KIF26B: variants seen among roughly 807,000 people sequenced by gnomAD.
The protein encoded by KIF26B is kinesin family member 26B, also known as kinesin-like protein KIF26B.
A neutral mutation model predicts 151.2 loss-of-function variants in KIF26B; 63 were observed. The observed-to-expected ratio is 0.42, with a 90% confidence interval of 0.34 to 0.51. The LOEUF (loss-of-function observed/expected upper bound fraction) is 0.51. Ranked by LOEUF, KIF26B falls within the 20% of genes least tolerant of loss-of-function variation. The pLI is 0.07. For synonymous variants in KIF26B, 1,357 were observed against 1,262.1 expected, an observed-to-expected ratio of 1.08 and a Z score of -1.59; for missense variants, 2,813 against 2,913.6, an observed-to-expected ratio of 0.97 and a Z score of 0.79.
intron 3 of KIF26B, among the ~76,000 whole-genome samples, chr1:245,414,466 T>C (rs1409323960): frequency 1.3e-5 from 2 of 152,142 alleles, no homozygotes; most frequent in African/African-American, 2.4e-5. Context: ...TGAGGCTTGT[T>C]TGTGTTGGTC....
At chr1:245,571,798 G>A (rs557639156) in intron 5 of KIF26B, among the ~76,000 whole-genome samples, 6 of 152,272 alleles carry the variant, frequency 3.9e-5, no homozygotes, top group Admixed American at 1.3e-4. Context: ...TCTAGTTCAC[G>A]CCCTGTAAGG....
intron 2 of KIF26B, among the ~76,000 whole-genome samples, chr1:245,281,797 G>A (rs1181041448): frequency 6.6e-6 from 1 of 151,942 alleles, no homozygotes; most frequent in Non-Finnish European, 1.5e-5. Context: ...TGTAAGGAAG[G>A]GATCCAGTTT....
At chr1:245,433,820 T>C (rs551765574) in intron 4 of KIF26B, among the ~76,000 whole-genome samples, 1 of 152,284 alleles carries the variant, frequency 6.6e-6, no homozygotes, top group Admixed American at 6.5e-5. Context: ...ATGGCCCATG[T>C]CATTTTCTTG....
chr1:245,199,036 T>C lies in KIF26B; in HGVS notation c.465+42353T>C, dbSNP rs576751551. ...ACAGACTAGGTGGGGCCTCAGGGCA[T>C]CTAAGTTCACTTCATTCATTTTACA... On this transcript the variant is annotated intron_variant, in intron 2 of 14. Transcript: ENST00000407071. 2.1e-4 allele frequency among the ~76,000 whole-genome samples: 32 copies of C among 150,934 alleles called. No homozygotes were observed. The South Asian group carries it at 6.6e-3, about 31-fold the overall frequency.
intron 2 of KIF26B, among the ~76,000 whole-genome samples, chr1:245,161,894 A>G (rs1344758399): frequency 1.3e-5 from 2 of 152,162 alleles, no homozygotes; most frequent in East Asian, 1.9e-4. Context: ...TTTTACTTCC[A>G]GTGAGTGGGG....
chr1:245,277,009 A>G lies in KIF26B; in HGVS notation c.466-89825A>G, dbSNP rs116610468. Among the ~76,000 whole-genome samples, 143 of 152,258 alleles carry G rather than the reference A, an allele frequency of 9.4e-4. 1 individual carries two copies. The highest frequency in any genetic ancestry group is 3.2e-3 in the African/African-American group (133 of 41,564). On this transcript the variant is annotated intron_variant, in intron 2 of 14. Coordinates refer to ENST00000407071, the MANE Select transcript of KIF26B (RefSeq NM_018012.4). The stretch of plus-strand genomic sequence containing the variant: ...TGGAGGAGACACAAACACAGAGGAG[A>G]AGGCCATGCAAAGGTAGAGGCAGAG...
At chr1:245,530,818 G>C (rs1206370750) in intron 4 of KIF26B, among the ~76,000 whole-genome samples, 1 of 152,202 alleles carries the variant, frequency 6.6e-6, no homozygotes, top group African/African-American at 2.4e-5. Flanking sequence ...CTCTAATACA[G>C]AGCAGCTGCT....
At chr1:245,690,155 A>G (rs2044605608) in intron 12 of KIF26B, among the ~76,000 whole-genome samples, 1 of 152,126 alleles carries the variant, frequency 6.6e-6, no homozygotes, top group Non-Finnish European at 1.5e-5. Context: ...TTCCAAAGAA[A>G]TTACCCCTGC....
chr1:245,206,668 G>A (rs1386934293), intron 2 of KIF26B: 1 of 152,176 alleles, frequency 6.6e-6, no homozygotes. Context: ...GGATCTTGAT[G>A]CTGCTGTTTA....
intron 3 of KIF26B, among the ~76,000 whole-genome samples, chr1:245,373,056 G>A (rs1673165243): frequency 6.6e-6 from 1 of 152,236 alleles, no homozygotes; most frequent in Non-Finnish European, 1.5e-5. Flanking sequence ...GGAGAAACCT[G>A]AGGCTGAGAG....
chr1:245,579,627 T>C (rs1226887652), intron 5 of KIF26B, among the ~76,000 whole-genome samples: 2 of 151,792 alleles, frequency 1.3e-5, no homozygotes, highest in African/African-American at 4.8e-5. Context: ...CTAACCAACA[T>C]GGAGAAACCC....
chr1:245,654,191 C>G (rs1037553038), intron 10 of KIF26B, among the ~76,000 whole-genome samples: 7 of 151,944 alleles, frequency 4.6e-5, no homozygotes, highest in Admixed American at 3.9e-4. Flanking sequence ...GGCTAGATAC[C>G]CATGGCAATG....
intron 5 of KIF26B, among the ~76,000 whole-genome samples, chr1:245,546,219 T>G (rs1431088318): frequency 2.0e-5 from 3 of 152,140 alleles, no homozygotes; most frequent in African/African-American, 7.3e-5. Flanking sequence ...TTGTTTTTTT[T>G]GTTTTTTGTT....
At chr1:245,188,350 G>A (rs1021202723) in intron 2 of KIF26B, among the ~76,000 whole-genome samples, 2 of 151,060 alleles carry the variant, frequency 1.3e-5, no homozygotes, top group African/African-American at 2.4e-5. Context: ...CGGTGAAGCC[G>A]GGAGAGTAGG....
At chr1:245,694,282 C>T (rs527946786) in intron 12 of KIF26B, among the ~76,000 whole-genome samples, 97 of 152,382 alleles carry the variant, frequency 6.4e-4, no homozygotes, top group African/African-American at 2.2e-3. Flanking sequence ...GATTGATTCA[C>T]ATTCTCTTTC....
intron 2 of KIF26B, among the ~76,000 whole-genome samples, chr1:245,273,755 T>C (rs1168146307): frequency 6.6e-6 from 1 of 152,220 alleles, no homozygotes; most frequent in Non-Finnish European, 1.5e-5. Context: ...TGTGTGTTTT[T>C]AAATCCAAAA....
intron 2 of KIF26B, among the ~76,000 whole-genome samples, chr1:245,293,269 G>A (rs1671284831): frequency 6.6e-6 from 1 of 152,052 alleles, no homozygotes. Context: ...TGAGTCTGGG[G>A]AGCTGGCAGC....
intron 4 of KIF26B, among the ~76,000 whole-genome samples, chr1:245,476,560 G>C (rs1447195770): frequency 1.3e-5 from 2 of 150,748 alleles, no homozygotes; most frequent in East Asian, 3.9e-4. Flanking sequence ...ACTTGAGACA[G>C]GGTCTTGCTC....
chr1:245,294,694 C>T lies in KIF26B; in HGVS notation c.466-72140C>T, dbSNP rs115176321. Among the ~76,000 whole-genome samples the T allele has an allele frequency of 3.1e-3, 477 of 152,292 alleles. 1 individual carries two copies. The highest frequency in any genetic ancestry group is 0.011 in the African/African-American group (449 of 41,558). On this transcript the variant is annotated intron_variant, in intron 2 of 14. Transcript: ENST00000407071. ...TTTTTCCCTGAGACAGAGTCCCGCTCTGTTACCCAGGCTTCTGGAGTGCAG... is the reference window on the plus strand; with the variant it reads ...TTTTTCCCTGAGACAGAGTCCCGCTTTGTTACCCAGGCTTCTGGAGTGCAG...
Sources: allele counts gnomAD v4.1 joint callset (sites outside exome capture counted in the v4.1 genomes callset), GRCh38; gene constraint gnomAD v4.1.1; transcripts MANE v1.5; gene names NCBI Gene and HGNC (gene_info 2026-07-23, HGNC 2026-07-21).